The following MAGI3 variants were observed in gnomAD, a reference collection of about 807,000 sequenced individuals.
MAGI3 encodes membrane associated guanylate kinase, WW and PDZ domain containing 3.
MAGI3 carries 43 observed loss-of-function variants against 121.8 expected under a neutral mutation model. The ratio of observed to expected loss-of-function variants is 0.35; its 90% confidence interval spans 0.28 to 0.46. The LOEUF (loss-of-function observed/expected upper bound fraction) is 0.46. MAGI3 is among the 20% of genes least tolerant of loss of function. The pLI is 1.00. For synonymous variants in MAGI3, 553 were observed against 639.3 expected, an observed-to-expected ratio of 0.86 and a Z score of 2.04; for missense variants, 1,547 against 1,797.3, an observed-to-expected ratio of 0.86 and a Z score of 2.52.
rs577509542 is a variant in MAGI3, at chr1:113,604,624, A to G, written c.1019-9977A>G. 6.6e-4 allele frequency among the ~76,000 whole-genome samples: 99 copies of G among 149,978 alleles called. 1 individual carries two copies. Among genetic ancestry groups the G allele is most frequent in the African/African-American group, 2.4e-3 (97 of 40,992 alleles). Reference sequence around the variant, plus strand: ...AAGAAAGAAAATGTGGTATATATATACCATGGAATACTACCCAGCCATGAA... The same window carrying G: ...AAGAAAGAAAATGTGGTATATATATGCCATGGAATACTACCCAGCCATGAA... On this transcript the variant is annotated intron_variant, in intron 6 of 20. Coordinates refer to ENST00000307546, the MANE Select transcript of MAGI3 (RefSeq NM_001142782.2).
intron 1 of MAGI3, among the ~76,000 whole-genome samples, chr1:113,529,160 A>G (rs2101637417): frequency 6.6e-6 from 1 of 152,342 alleles, no homozygotes; most frequent in Admixed American, 6.5e-5. Context: ...ACCCTGTCAT[A>G]GGTAAACATT....
chr1:113,425,383 A>C (rs955053984), intron 1 of MAGI3, among the ~76,000 whole-genome samples: 4 of 144,224 alleles, frequency 2.8e-5, no homozygotes, highest in African/African-American at 1.0e-4. Context: ...CCCGGGTTCA[A>C]GCCATTCTCC....
chr1:113,464,359 A>C (rs942433995), intron 1 of MAGI3, among the ~76,000 whole-genome samples: 8 of 152,104 alleles, frequency 5.3e-5, no homozygotes, highest in African/African-American at 1.9e-4. Context: ...ACATTATTCC[A>C]TTGTGTATAC....
At chr1:113,521,498 C>T (rs570082432) in intron 1 of MAGI3, among the ~76,000 whole-genome samples, 25 of 151,348 alleles carry the variant, frequency 1.7e-4, no homozygotes, top group African/African-American at 5.6e-4. Flanking sequence ...CTCTGCCTTC[C>T]GGGTTCATGC....
At chr1:113,561,795 A>G (rs1164030773) in intron 2 of MAGI3, among the ~76,000 whole-genome samples, 1 of 152,194 alleles carries the variant, frequency 6.6e-6, no homozygotes, top group African/African-American at 2.4e-5. Context: ...AAGAAAGCAT[A>G]TTCATATAGG....
rs1653304569 is a variant in MAGI3, at chr1:113,431,646, G to A, written c.316+40297G>A. ...TAATTTCACAAAAGTATATCAAGAT[G>A]TAAGTGTGAACAGACATGTAAGATC... On this transcript the variant is annotated intron_variant, in intron 1 of 20. Transcript: ENST00000307546. Among the ~76,000 whole-genome samples the A allele has an allele frequency of 2.0e-5, 3 of 152,262 alleles. No individual in the cohort carries two copies. The South Asian group carries it at 6.2e-4, about 32-fold the overall frequency.
At chr1:113,557,017 T>C (rs1355224301) in intron 2 of MAGI3, among the ~76,000 whole-genome samples, 1 of 152,242 alleles carries the variant, frequency 6.6e-6, no homozygotes, top group Non-Finnish European at 1.5e-5. Context: ...AATTGAATTT[T>C]AGTTTTTAAC....
chr1:113,400,728 A>G (rs796220222), intron 1 of MAGI3, among the ~76,000 whole-genome samples: 49 of 152,288 alleles, frequency 3.2e-4, no homozygotes, highest in African/African-American at 1.1e-3. Context: ...ACACTTTGTC[A>G]AAATATTATT....
At chr1:113,638,979 A>G (rs1365353574) in intron 9 of MAGI3, among the ~76,000 whole-genome samples, 1 of 152,036 alleles carries the variant, frequency 6.6e-6, no homozygotes, top group Non-Finnish European at 1.5e-5. Flanking sequence ...TTGCAGTTTG[A>G]TCTCAGACTG....
intron 1 of MAGI3, among the ~76,000 whole-genome samples, chr1:113,437,870 T>TTCTTCTTCTTCTTCTTCC (rs1557757143): frequency 2.7e-3 from 50 of 18,488 alleles, no homozygotes; most frequent in Middle Eastern, 0.019. Context: ...CTTCCTCTTC[T>TTCTTCTTCTTCTTCTTCC]TCTTCTTCTC....
chr1:113,477,884 C>G (rs1464218136), intron 1 of MAGI3, among the ~76,000 whole-genome samples: 4 of 152,174 alleles, frequency 2.6e-5, no homozygotes, highest in African/African-American at 9.7e-5. Flanking sequence ...TAGATTTGGT[C>G]TTTTCACATA....
chr1:113,443,550 G>A (rs967776277), intron 1 of MAGI3, among the ~76,000 whole-genome samples: 2 of 152,142 alleles, frequency 1.3e-5, no homozygotes, highest in African/African-American at 4.8e-5. Context: ...GTATAAATAA[G>A]TCTTTAACCA....
chr1:113,482,645 CTTTTTTTTTT>C (rs59465922), intron 1 of MAGI3, among the ~76,000 whole-genome samples: 1 of 122,214 alleles, frequency 8.2e-6, no homozygotes, highest in African/African-American at 3.1e-5. Context: ...CCTCAACCTA[CTTTTTTTTTT>C]TTTTTTTTTT....
intron 1 of MAGI3, among the ~76,000 whole-genome samples, chr1:113,542,929 C>G (rs1659357049): frequency 6.6e-6 from 1 of 152,138 alleles, no homozygotes; most frequent in South Asian, 2.1e-4. Flanking sequence ...GGCCAAGTTA[C>G]TTGACTTCTC....
chr1:113,644,528 G>T (rs905365427), intron 11 of MAGI3, among the ~76,000 whole-genome samples: 3 of 152,052 alleles, frequency 2.0e-5, no homozygotes, highest in Non-Finnish European at 4.4e-5. Flanking sequence ...TGATCTGCCC[G>T]CCTCGGCCTC....
chr1:113,631,672 G>A (rs182360848), intron 9 of MAGI3, among the ~76,000 whole-genome samples: 2 of 152,228 alleles, frequency 1.3e-5, no homozygotes, highest in Admixed American at 1.3e-4. Context: ...AAAAGGTCCT[G>A]TGTGGTGTTT....
rs114441963 is a variant in MAGI3, at chr1:113,483,541, C to T, written c.317-65974C>T. Among the ~76,000 whole-genome samples, 840 of 152,232 alleles carry T rather than the reference C, an allele frequency of 5.5e-3. 12 individuals carry two copies. Among genetic ancestry groups the T allele is most frequent in the African/African-American group, 0.019 (809 of 41,540 alleles). ...CATGCTGGTACTGATTTTAAAGTTT[C>T]CCCCGTAATTGTGAAAAATAAGTTT... On this transcript the variant is annotated intron_variant, in intron 1 of 20. Transcript: ENST00000307546.
chr1:113,642,090 A>G lies in MAGI3; in HGVS notation c.1540A>G (p.Ile514Val). ...GGACATTGTTGCTGCTACCCCTGTC[A>G]TCAATGGACAGTCATTAACCAAGGG... The part of the protein sequence containing the change: ...VVDIVAATPV[I>V]NGQSLTKGET... The change falls in exon 10 of 21, where the codon ATC (isoleucine) becomes GTC (valine). Residue 514 changes from isoleucine (I) to valine (V), a missense_variant. Coordinates refer to ENST00000307546, the MANE Select transcript of MAGI3 (RefSeq NM_001142782.2). 6.2e-7 allele frequency: 1 copy of G among 1,614,202 alleles called. No individual in the cohort carries two copies. Among genetic ancestry groups the G allele is most frequent in the East Asian group, 2.2e-5 (1 of 44,882 alleles).
chr1:113,530,280 T>C (rs1658642472), intron 1 of MAGI3, among the ~76,000 whole-genome samples: 1 of 151,664 alleles, frequency 6.6e-6, no homozygotes, highest in Non-Finnish European at 1.5e-5. Flanking sequence ...TCTGCAAACA[T>C]TTTTGTGTCT....
Sources: gnomAD v4.1 joint callset for allele counts (sites outside exome capture counted in the v4.1 genomes callset) on GRCh38, gnomAD v4.1.1 for gene constraint, MANE v1.5 for transcripts, NCBI Gene and HGNC (gene_info 2026-07-23, HGNC 2026-07-21) for gene names.